EBF4: variants seen among roughly 807,000 people sequenced by gnomAD.
EBF4 encodes the protein EBF transcription factor 4.
EBF4 carries 34 observed loss-of-function variants against 67.1 expected under a neutral mutation model. The ratio of observed to expected loss-of-function variants is 0.51; its 90% CI spans 0.39 to 0.67. EBF4 has a LOEUF of 0.67. EBF4 is among the 30% of genes least tolerant of loss of function. EBF4 has a pLI of 0.00. For missense variants in EBF4, 837 were observed against 873.3 expected, an observed-to-expected ratio of 0.96 and a Z score of 0.52; for synonymous variants, 387 against 377.7, an observed-to-expected ratio of 1.02 and a Z score of -0.29.
chr20:2,706,140 G>T (rs1431623611), intron 3 of EBF4, 69 bp from the exon 4 acceptor site: 2 of 1,550,030 alleles, frequency 1.3e-6, no homozygotes, highest in African/African-American at 2.7e-5. Context: ...GGGAGGGTGT[G>T]ATGTGGTCTG....
intron 14 of EBF4, among the ~76,000 whole-genome samples, chr20:2,753,238 G>A (rs1414812174): frequency 2.6e-5 from 4 of 152,216 alleles, no homozygotes; most frequent in Non-Finnish European, 5.9e-5. Flanking sequence ...AAGGGCCAGT[G>A]TGTGATTTCG....
intron 6 of EBF4, among the ~76,000 whole-genome samples, chr20:2,741,983 C>T (rs1413846443): frequency 6.6e-6 from 1 of 152,186 alleles, no homozygotes; most frequent in African/African-American, 2.4e-5. Context: ...CTGAGTTTGA[C>T]CTCTGCAACC....
In EBF4 at chr20:2,741,364, A is replaced by C. The variant is rs61045353; in HGVS notation, c.558-7185A>C. On this transcript the variant is annotated intron_variant, in intron 6 of 16. Transcript: ENST00000609451. ...TGCCTTCTACCCCCTGAAAACCTAG[A>C]ATTTAACAGTGGACTCACATCAATT... Among the ~76,000 whole-genome samples, 68 of 152,026 alleles carry C rather than the reference A, an allele frequency of 4.5e-4. 1 individual carries two copies. The East Asian group carries it at 8.1e-3, about 18-fold the overall frequency.
chr20:2,697,860 C>G (rs2087318760), intron 1 of EBF4, among the ~76,000 whole-genome samples: 1 of 152,222 alleles, frequency 6.6e-6, no homozygotes, highest in Non-Finnish European at 1.5e-5. Flanking sequence ...CTGGGGAGAC[C>G]TCTGGAAGGC....
exon 6 of EBF4, chr20:2,709,595 C>T: frequency 6.4e-7 from 1 of 1,557,928 alleles, no homozygotes; most frequent in East Asian, 2.4e-5. Context: ...ACCGGAAGAG[C>T]TGTGGCAACC....
chr20:2,745,733 A>G lies in EBF4; in HGVS notation c.558-2816A>G, dbSNP rs1038985980. Among the ~76,000 whole-genome samples the G allele has an allele frequency of 1.3e-5, 2 of 152,172 alleles. No individual in the cohort carries two copies. Among genetic ancestry groups the G allele is most frequent in the Non-Finnish European group, 2.9e-5 (2 of 68,024 alleles). ...AGGCAGGACTAGAAGGTGTCACGGC[A>G]GCCGTCAATCGCTACTCTCCCTTCA... On this transcript the variant is annotated intron_variant, in intron 6 of 16. Coordinates refer to ENST00000609451, the Ensembl canonical transcript of EBF4. The surrounding 1 kb of genome is among the most constrained non-coding windows in gnomAD (Gnocchi z 5.2).
intron 6 of EBF4, among the ~76,000 whole-genome samples, chr20:2,727,062 G>T (rs1217941559): frequency 1.3e-5 from 2 of 151,946 alleles, no homozygotes; most frequent in African/African-American, 4.8e-5. Flanking sequence ...ATTTTACTTG[G>T]CATACTGTCC....
chr20:2,720,088 ATTAT>A (rs1317922532), intron 6 of EBF4, among the ~76,000 whole-genome samples: 1 of 152,142 alleles, frequency 6.6e-6, no homozygotes, highest in Admixed American at 6.5e-5. Flanking sequence ...GATGTCTAGA[ATTAT>A]TATGTCTTCT....
intron 1 of EBF4, 143 bp from the exon 2 acceptor site, chr20:2,705,434 G>C (rs2087438331): frequency 2.7e-6 from 3 of 1,121,296 alleles, no homozygotes; most frequent in Non-Finnish European, 3.9e-6. Flanking sequence ...AGGCTGGAAA[G>C]GGCCTGTCTA....
chr20:2,711,977 G>C (rs1418686994), intron 6 of EBF4, among the ~76,000 whole-genome samples: 1 of 152,230 alleles, frequency 6.6e-6, no homozygotes, highest in Non-Finnish European at 1.5e-5. Context: ...TTCTCGGCAA[G>C]AGTGTGCCTG....
chr20:2,702,014 G>T (rs1157133666), intron 1 of EBF4, among the ~76,000 whole-genome samples: 1 of 152,222 alleles, frequency 6.6e-6, no homozygotes, highest in Non-Finnish European at 1.5e-5. Flanking sequence ...GGTGAGGGGC[G>T]ATCAAGGCCT....
chr20:2,731,664 TCTA>T (rs2087815419), intron 6 of EBF4, among the ~76,000 whole-genome samples: 1 of 152,212 alleles, frequency 6.6e-6, no homozygotes, highest in South Asian at 2.1e-4. Flanking sequence ...TCTGGCCACT[TCTA>T]CTGTCCTTCT....
At chr20:2,742,373 T>G (rs1164769428) in intron 6 of EBF4, among the ~76,000 whole-genome samples, 1 of 152,218 alleles carries the variant, frequency 6.6e-6, no homozygotes, top group Non-Finnish European at 1.5e-5. Context: ...CCTGATGGGT[T>G]AGACCTGGTT....
rs773969151 is a variant in EBF4 at position 2,706,313 on chromosome 20, C to G, written c.414+49C>G. 4 of 1,546,780 alleles carry G rather than the reference C, an allele frequency of 2.6e-6. No homozygotes were observed. The South Asian group carries it at 4.8e-5, about 18-fold the overall frequency. The stretch of plus-strand genomic sequence containing the variant: ...AGGCCCATCTCACTCTCTTCCCGGA[C>G]CCTGCCTCCCCCTGGTCTGAGTGAG... On this transcript the variant is annotated intron_variant, in intron 4 of 16. Coordinates refer to ENST00000609451, the Ensembl canonical transcript of EBF4.
intron 6 of EBF4, among the ~76,000 whole-genome samples, chr20:2,734,688 A>G (rs1470434976): frequency 1.3e-5 from 2 of 152,352 alleles, no homozygotes; most frequent in Admixed American, 6.5e-5. Flanking sequence ...CCTGTCATGT[A>G]TAATCACTGA....
intron 6 of EBF4, among the ~76,000 whole-genome samples, chr20:2,728,659 C>G (rs989091066): frequency 6.6e-6 from 1 of 151,418 alleles, no homozygotes; most frequent in African/African-American, 2.4e-5. Context: ...ATCCAGGACC[C>G]TCTGATGGCC....
chr20:2,693,748 G>A lies in EBF4; in HGVS notation c.103G>A (p.Ala35Thr). Residue 35 changes from alanine (A) to threonine (T), a missense_variant, in exon 1 of 17, where the codon GCG (alanine) becomes ACG (threonine). Coordinates refer to ENST00000609451, the Ensembl canonical transcript of EBF4. The surrounding 1 kb of genome is among the most constrained non-coding windows in gnomAD (Gnocchi z 4.6). ...CTCAGTGCGCTCCTGGATGCAGGGC[G>A]CGGGCATCCTGGACGCCAGCACCGC... 7.4e-7 allele frequency: 1 copy of A among 1,345,998 alleles called. No homozygotes were observed. Among genetic ancestry groups the A allele is most frequent in the Non-Finnish European group, 9.5e-7 (1 of 1,051,630 alleles). 83.4% of individuals were successfully genotyped at this position (1,345,998 alleles called of 1,614,324 possible). A position where few individuals can be genotyped will look rare whatever the true frequency, so the allele number is the denominator to read the frequency against.
Position 2,751,260 on chromosome 20 carries a change from CAG to C in EBF4, c.1019-435_1019-434del, listed in dbSNP as rs986812536. 6.6e-6 allele frequency among the ~76,000 whole-genome samples: 1 copy of C among 152,220 alleles called. No individual in the cohort carries two copies. The highest frequency in any genetic ancestry group is 2.4e-5 in the African/African-American group (1 of 41,454). On this transcript the variant is annotated intron_variant, in intron 10 of 16. Transcript: ENST00000609451. This position sits in a 1 kb window ranked among gnomAD's most constrained non-coding sequence, Gnocchi z 5.2. ...GCAAACCTCTAGCCTTCAGATGCTGCAGAGAGTCCACTTGAGCCGTGATAAAT... is the reference window on the plus strand; with the variant it reads ...GCAAACCTCTAGCCTTCAGATGCTGCAGAGTCCACTTGAGCCGTGATAAAT...
chr20:2,714,473 T>G (rs2087583366), intron 6 of EBF4, among the ~76,000 whole-genome samples: 1 of 152,142 alleles, frequency 6.6e-6, no homozygotes, highest in African/African-American at 2.4e-5. Flanking sequence ...CACCTTAGCC[T>G]CTGAAGTAGC....
Sources: gnomAD v4.1 joint callset for allele counts (sites outside exome capture counted in the v4.1 genomes callset) on GRCh38, gnomAD v4.1.1 for gene constraint, Gnocchi (gnomAD v3.1) non-coding constraint, MANE v1.5 for transcripts, NCBI Gene and HGNC (gene_info 2026-07-23, HGNC 2026-07-21) for gene names.